The following NMT1 variants were observed in gnomAD, a reference collection of about 807,000 sequenced individuals.
NMT1 encodes glycylpeptide N-tetradecanoyltransferase 1.
A neutral mutation model predicts 63.4 loss-of-function variants in NMT1; 12 were observed. The observed-to-expected ratio is 0.19, with a 90% CI of 0.12 to 0.31. NMT1 has a LOEUF of 0.31. NMT1 is among the 10% of genes least tolerant of loss of function. The pLI is 1.00. For missense variants in NMT1, 432 were observed against 634.6 expected, an observed-to-expected ratio of 0.68 and a Z score of 3.43; for synonymous variants, 228 against 234.3, an observed-to-expected ratio of 0.97 and a Z score of 0.25.
Position 45,067,167 on chromosome 17 carries a change from AT to A in NMT1, c.131+5722del, listed in dbSNP as rs34041488. Among the ~76,000 whole-genome samples the A allele has an allele frequency of 6.1e-3, 856 of 141,242 alleles. 1 individual carries two copies. Among genetic ancestry groups the A allele is most frequent in the African/African-American group, 9.9e-3 (382 of 38,578 alleles). 92.7% of individuals were successfully genotyped at this position (141,242 alleles called of 152,430 possible). A position where few individuals can be genotyped will look rare whatever the true frequency, so the allele number is the denominator to read the frequency against. ...TGATTCATCTATATGGTTTAATTTG[AT>A]TTTTTTTTTTTTTTAATGAGAGTCT... On this transcript the variant is annotated intron_variant, in intron 1 of 11. Coordinates refer to ENST00000258960, the MANE Select transcript of NMT1 (RefSeq NM_021079.5).
intron 1 of NMT1, chr17:45,061,676 A>T (rs1356881660): frequency 2.0e-6 from 1 of 504,626 alleles, no homozygotes; most frequent in African/African-American, 1.9e-5. Flanking sequence ...TACTTTTATT[A>T]TATAAAAGTT....
intron 3 of NMT1, among the ~76,000 whole-genome samples, chr17:45,087,279 C>G (rs1156874715): frequency 6.6e-6 from 1 of 152,012 alleles, no homozygotes; most frequent in Non-Finnish European, 1.5e-5. Flanking sequence ...GAGACTTTGT[C>G]TTGTTTGTCT....
intron 1 of NMT1, among the ~76,000 whole-genome samples, chr17:45,071,861 G>C (rs543639358): frequency 2.8e-4 from 43 of 152,308 alleles, no homozygotes; most frequent in African/African-American, 9.9e-4. Flanking sequence ...AGCTTCCTCA[G>C]TAGCTGGGAC....
In NMT1 at chr17:45,104,266, G is replaced by C; in HGVS notation, c.1332+390G>C. On this transcript the variant is annotated intron_variant, in intron 10 of 11. Transcript: ENST00000258960. This position sits in a 1 kb window ranked among gnomAD's most constrained non-coding sequence, Gnocchi z 4.2. ...TCCAACTGCCAGTAGCGGATGGCGA[G>C]CCCGTCTGTCAGTGCTTTGCTGTGG... The C allele has an allele frequency of 8.4e-7, 1 of 1,192,268 alleles. No homozygotes were observed. The highest frequency in any genetic ancestry group is 1.1e-6 in the Non-Finnish European group (1 of 947,646). 73.9% of individuals were successfully genotyped at this position (1,192,268 alleles called of 1,614,324 possible).
In NMT1 at chr17:45,105,389, A is replaced by G. The variant is rs2054195737; in HGVS notation, c.1471-230A>G. On this transcript the variant is annotated intron_variant, in intron 11 of 11. Transcript: ENST00000258960. The surrounding 1 kb of genome is among the most constrained non-coding windows in gnomAD (Gnocchi z 4.2). Reference sequence around the variant, plus strand: ...TTAGCCCTTCCTCCCCCAGTGCCACAGGGGACATAGGGGTGAGCTGGAGCG... The same window carrying G: ...TTAGCCCTTCCTCCCCCAGTGCCACGGGGGACATAGGGGTGAGCTGGAGCG... Among the ~76,000 whole-genome samples the G allele has an allele frequency of 6.6e-6, 1 of 152,102 alleles. No individual in the cohort carries two copies. The highest frequency in any genetic ancestry group is 1.5e-5 in the Non-Finnish European group (1 of 68,020).
intron 1 of NMT1, among the ~76,000 whole-genome samples, chr17:45,075,709 G>T (rs193246679): frequency 1.2e-4 from 19 of 152,052 alleles, no homozygotes; most frequent in Admixed American, 1.1e-3. Context: ...GGCGGAGGTT[G>T]CAGTGAGCTG....
intron 1 of NMT1, among the ~76,000 whole-genome samples, chr17:45,071,951 C>G (rs1815803482): frequency 6.6e-6 from 1 of 152,080 alleles, no homozygotes; most frequent in African/African-American, 2.4e-5. Context: ...AGAGAGAAGA[C>G]AATGAATAAG....
At chr17:45,071,241 C>G (rs1323838825) in intron 1 of NMT1, among the ~76,000 whole-genome samples, 1 of 152,108 alleles carries the variant, frequency 6.6e-6, no homozygotes, top group African/African-American at 2.4e-5. Flanking sequence ...CCAAAAAATT[C>G]ATTTTTTATT....
chr17:45,072,828 G>GCC (rs1430156740), intron 1 of NMT1, among the ~76,000 whole-genome samples: 1 of 151,568 alleles, frequency 6.6e-6, no homozygotes, highest in African/African-American at 2.4e-5. Context: ...CAAAGTGCTG[G>GCC]GATTACAGGC....
At chr17:45,069,879 C>CAAA (rs540316068) in intron 1 of NMT1, among the ~76,000 whole-genome samples, 3 of 117,838 alleles carry the variant, frequency 2.5e-5, no homozygotes, top group Non-Finnish European at 5.4e-5. Context: ...GACTCCATCT[C>CAAA]AAAAAAAAAA....
At chr17:45,094,734 C>T (rs1016236928) in intron 4 of NMT1, among the ~76,000 whole-genome samples, 6 of 150,948 alleles carry the variant, frequency 4.0e-5, no homozygotes, top group Admixed American at 1.3e-4. Context: ...AGGCTGGTTT[C>T]GAACTCCTGA....
intron 7 of NMT1, 87 bp downstream of exon 7, chr17:45,098,639 C>A: frequency 1.6e-6 from 2 of 1,233,874 alleles, no homozygotes; most frequent in Non-Finnish European, 2.3e-6. Flanking sequence ...CACAGCTCCG[C>A]CCTTAGCATC....
Position 45,093,793 on chromosome 17 carries a change from A to G in NMT1, c.494A>G (p.Asp165Gly). 6.2e-7 allele frequency: 1 copy of G among 1,614,052 alleles called. No individual in the cohort carries two copies. The highest frequency in any genetic ancestry group is 1.1e-5 in the South Asian group (1 of 91,084). ...GFTWDALDLG[D>G]RGVLKELYTL... ...ACCTGGGATGCTTTGGACCTGGGCG[A>G]TCGTGGTGTGGTGAGTGGGCCCTCA... is the stretch of plus-strand genomic sequence containing the variant. The change falls in exon 4 of 12, where the codon GAT (aspartate) becomes GGT (glycine). Residue 165 changes from aspartate (D) to glycine (G), a missense_variant. By Grantham distance (94) the Asp-to-Gly change is moderately conservative. Around this residue, in one of 4 missense-constraint regions of NMT1, gnomAD observed 295 missense variants for 489.7 expected, o/e 0.60. Coordinates refer to ENST00000258960, the MANE Select transcript of NMT1 (RefSeq NM_021079.5).
intron 1 of NMT1, among the ~76,000 whole-genome samples, chr17:45,071,030 A>G (rs1390212973): frequency 6.6e-6 from 1 of 152,182 alleles, no homozygotes; most frequent in African/African-American, 2.4e-5. Flanking sequence ...ATGCCATGTC[A>G]TTTCCTTCTG....
chr17:45,103,187 G>A lies in NMT1; in HGVS notation c.1164+66G>A, dbSNP rs189170612. 127 of 1,492,580 alleles carry A rather than the reference G, an allele frequency of 8.5e-5. No individual in the cohort carries two copies. The African/African-American group carries it at 1.4e-3, about 16-fold the overall frequency. The allele number at this position is 1,492,580 out of a possible 1,614,324, so 92.5% of individuals were successfully genotyped here. A position where few individuals can be genotyped will look rare whatever the true frequency, so the allele number is the denominator to read the frequency against. On this transcript the variant is annotated intron_variant, in intron 9 of 11. Coordinates refer to ENST00000258960, the MANE Select transcript of NMT1 (RefSeq NM_021079.5). The surrounding 1 kb of genome is among the most constrained non-coding windows in gnomAD (Gnocchi z 4.8). ...CAGAGAGGCACCCCCCTGAGTGGCC[G>A]GGTTCCCAGGGCTCGAGTGTTGGCA...
At chr17:45,070,744 G>A (rs2053934806) in intron 1 of NMT1, among the ~76,000 whole-genome samples, 1 of 152,168 alleles carries the variant, frequency 6.6e-6, no homozygotes, top group African/African-American at 2.4e-5. Flanking sequence ...GTAGAGAAGG[G>A]TTTTGCTATG....
At position 45,103,865 on chromosome 17, in the gene NMT1, C is replaced by T; in HGVS notation, c.1321C>T (p.Leu441Phe). 6.2e-7 allele frequency: 1 copy of T among 1,614,010 alleles called. No individual in the cohort carries two copies. Among genetic ancestry groups the T allele is most frequent in the Non-Finnish European group, 8.5e-7 (1 of 1,180,026 alleles). The change falls in exon 10 of 12, where the codon CTC becomes TTC. Residue 441 changes from leucine (L) to phenylalanine (F), a missense_variant. Coordinates refer to ENST00000258960, the MANE Select transcript of NMT1 (RefSeq NM_021079.5). The surrounding 1 kb of genome is among the most constrained non-coding windows in gnomAD (Gnocchi z 4.8). Reference protein sequence around the residue: ...LLDLMSDALVLAKMKGFDVFN... With the variant: ...LLDLMSDALVFAKMKGFDVFN... ...AGACCTCATGAGCGACGCCCTTGTC[C>T]TCGCCAAAATGGTGAGGAGCAGACG...
chr17:45,102,829 C>CG, intron 8 of NMT1, 122 bp from the exon 9 acceptor site: 1 of 826,754 alleles, frequency 1.2e-6, no homozygotes, highest in Non-Finnish European at 1.9e-6. Context: ...GAGATATGCA[C>CG]GGGGGTGCAG....
Position 45,104,051 on chromosome 17 carries a change from G to A in NMT1, c.1332+175G>A. 2 of 1,548,282 alleles carry A rather than the reference G, an allele frequency of 1.3e-6. No individual in the cohort carries two copies. Among genetic ancestry groups the A allele is most frequent in the African/African-American group, 1.4e-5 (1 of 73,250 alleles). The stretch of plus-strand genomic sequence containing the variant: ...TAGGCAGAAACTCAAAACTTGGAGG[G>A]AACAAGGAGCATCCGAAGTGAAGGC... On this transcript the variant is annotated intron_variant, in intron 10 of 11. Coordinates refer to ENST00000258960, the MANE Select transcript of NMT1 (RefSeq NM_021079.5). The surrounding 1 kb of genome is among the most constrained non-coding windows in gnomAD (Gnocchi z 4.2).
Sources: gnomAD v4.1 joint callset for allele counts (sites outside exome capture counted in the v4.1 genomes callset) on GRCh38, gnomAD v4.1.1 for gene constraint, gnomAD v4.1.1 regional missense constraint, Gnocchi (gnomAD v3.1) non-coding constraint, MANE v1.5 for transcripts, NCBI Gene and HGNC (gene_info 2026-07-23, HGNC 2026-07-21) for gene names.